Variants in DOCK3 observed in about 807,000 individuals in gnomAD.
The protein encoded by DOCK3 is dedicator of cytokinesis protein 3.
A neutral mutation model predicts 265.6 loss-of-function variants in DOCK3; 60 were observed. The ratio of observed to expected loss-of-function variants is 0.23; its 90% confidence interval spans 0.18 to 0.28. The LOEUF is 0.28. Ranked by LOEUF, DOCK3 falls within the 10% of genes least tolerant of loss-of-function variation. The pLI, the probability that DOCK3 is intolerant of heterozygous loss-of-function variation, is 1.00. For synonymous variants in DOCK3, 881 were observed against 938.0 expected (o/e 0.94, Z 1.11); for missense variants, 1,981 against 2,594.3 (o/e 0.76, Z 5.14).
At chr3:51,327,748 C>T (rs1421814201) in intron 32 of DOCK3, among the ~76,000 whole-genome samples, 7 of 146,954 alleles carry the variant, frequency 4.8e-5, no homozygotes, top group Admixed American at 3.5e-4. Context: ...GGCACAATCT[C>T]GGCTCACTGC....
intron 27 of DOCK3, among the ~76,000 whole-genome samples, chr3:51,282,928 A>G (rs889136517): frequency 2.6e-5 from 4 of 152,198 alleles, no homozygotes; most frequent in African/African-American, 7.2e-5. Flanking sequence ...TATAAACACA[A>G]AAATCTCCAG....
rs1037803924 is a variant in DOCK3, at chr3:50,901,020, C to T, written c.218+10939C>T. 9 of 364,850 alleles carry T rather than the reference C, an allele frequency of 2.5e-5. No individual in the cohort carries two copies. In the East Asian group the frequency reaches 5.5e-4, roughly 22 times the overall value. The allele number at this position is 364,850 out of a possible 1,614,324, so 22.6% of individuals were successfully genotyped here. On this transcript the variant is annotated intron_variant, in intron 4 of 52. Coordinates refer to ENST00000266037, the MANE Select transcript of DOCK3 (RefSeq NM_004947.5). ...TGAGCAATGTGCTGGGAGATTCGCT[C>T]CTCTCTTCAGAACAGACAGGCTGGA... is the stretch of plus-strand genomic sequence containing the variant.
intron 38 of DOCK3, among the ~76,000 whole-genome samples, chr3:51,343,159 T>C (rs984400867): frequency 6.6e-6 from 1 of 152,064 alleles, no homozygotes; most frequent in African/African-American, 2.4e-5. Flanking sequence ...CAGGGATGTT[T>C]AGCACCAAGA....
chr3:51,066,971 A>C (rs1170788351), intron 6 of DOCK3, among the ~76,000 whole-genome samples: 1 of 152,200 alleles, frequency 6.6e-6, no homozygotes, highest in Admixed American at 6.5e-5. Context: ...GGGGAATAAC[A>C]ATTTAGTAAA....
chr3:51,227,904 G>A, intron 16 of DOCK3, 78 bp from the exon 17 acceptor site: 1 of 1,374,022 alleles, frequency 7.3e-7, no homozygotes, highest in East Asian at 2.3e-5. Flanking sequence ...AAGAGCATAG[G>A]TGATAAGCAC....
chr3:51,102,200 A>G (rs1191669232), intron 9 of DOCK3, among the ~76,000 whole-genome samples: 1 of 152,238 alleles, frequency 6.6e-6, no homozygotes, highest in Non-Finnish European at 1.5e-5. Context: ...TGTCAGAGCC[A>G]GAGCATTTAT....
intron 5 of DOCK3, among the ~76,000 whole-genome samples, chr3:50,945,317 A>G (rs544892087): frequency 6.6e-6 from 1 of 152,258 alleles, no homozygotes; most frequent in African/African-American, 2.4e-5. Flanking sequence ...GAAGTTTACC[A>G]TATAGTTTGT....
intron 1 of DOCK3, among the ~76,000 whole-genome samples, chr3:50,760,257 G>A (rs1321232969): frequency 6.6e-6 from 1 of 152,120 alleles, no homozygotes; most frequent in Non-Finnish European, 1.5e-5. Context: ...TGAAAAGACA[G>A]TCAGTTCTTT....
intron 1 of DOCK3, among the ~76,000 whole-genome samples, chr3:50,769,900 A>G (rs765693564): frequency 3.3e-5 from 5 of 152,106 alleles, no homozygotes; most frequent in African/African-American, 7.2e-5. Context: ...GAGAAAGTCA[A>G]ATTGTCCCTC....
chr3:50,946,451 AG>A (rs1242065520), intron 5 of DOCK3, among the ~76,000 whole-genome samples: 1 of 152,232 alleles, frequency 6.6e-6, no homozygotes, highest in Non-Finnish European at 1.5e-5. Context: ...TGTTTTTTGA[AG>A]ATAACTTTTA....
chr3:50,694,647 A>G (rs2035488092), intron 1 of DOCK3, among the ~76,000 whole-genome samples: 2 of 151,832 alleles, frequency 1.3e-5, no homozygotes, highest in Non-Finnish European at 2.9e-5. Flanking sequence ...TGTCTCTACT[A>G]AAAAAATACA....
chr3:50,828,341 A>T (rs752075797), intron 2 of DOCK3, among the ~76,000 whole-genome samples: 1 of 152,154 alleles, frequency 6.6e-6, no homozygotes, highest in Admixed American at 6.5e-5. Flanking sequence ...CTTTTATGCA[A>T]CTATGGTCTA....
At chr3:50,780,146 G>A (rs1160730414) in intron 2 of DOCK3, among the ~76,000 whole-genome samples, 2 of 152,168 alleles carry the variant, frequency 1.3e-5, no homozygotes, top group Non-Finnish European at 1.5e-5. Context: ...GTATAAATTA[G>A]CACCCTTTTG....
At chr3:50,729,511 G>GTC (rs2038059005) in intron 1 of DOCK3, among the ~76,000 whole-genome samples, 1 of 151,856 alleles carries the variant, frequency 6.6e-6, no homozygotes, top group South Asian at 2.1e-4. Flanking sequence ...CTAGCATTAG[G>GTC]TATATCTCCC....
chr3:50,700,334 G>T (rs1191013218), intron 1 of DOCK3, among the ~76,000 whole-genome samples: 1 of 152,176 alleles, frequency 6.6e-6, no homozygotes, highest in Non-Finnish European at 1.5e-5. Flanking sequence ...ACAATAAGTT[G>T]TATATTACTA....
At chr3:50,933,907 G>T (rs1436154711) in intron 4 of DOCK3, 74 bp from the exon 5 acceptor site, 23 of 978,522 alleles carry the variant, frequency 2.4e-5, no homozygotes, top group Non-Finnish European at 3.2e-5. Context: ...TAAACAAGTA[G>T]AAAAAGACAG....
chr3:50,933,224 T>A lies in DOCK3; in HGVS notation c.219-757T>A, dbSNP rs9831449. ...TGAGTGGGGACACAGCCAAACCATA[T>A]CAGTACCTTTTCATTTTCATTTTAG... is the stretch of plus-strand genomic sequence containing the variant. On this transcript the variant is annotated intron_variant, in intron 4 of 52. Coordinates refer to ENST00000266037, the MANE Select transcript of DOCK3 (RefSeq NM_004947.5). 2.8e-3 allele frequency among the ~76,000 whole-genome samples: 422 copies of A among 152,288 alleles called. 3 individuals carry two copies. The highest frequency in any genetic ancestry group is 9.7e-3 in the African/African-American group (405 of 41,574).
intron 10 of DOCK3, among the ~76,000 whole-genome samples, chr3:51,153,490 G>T (rs188502542): frequency 6.6e-6 from 1 of 152,130 alleles, no homozygotes. Context: ...ACACTGCTTC[G>T]GCTTGCCCTC....
chr3:50,695,922 G>A (rs1489997178), intron 1 of DOCK3, among the ~76,000 whole-genome samples: 6 of 152,204 alleles, frequency 3.9e-5, no homozygotes, highest in Non-Finnish European at 8.8e-5. Context: ...ATGTGGTAGA[G>A]GAGGATTTAT....
Sources: allele counts gnomAD v4.1 joint callset (sites outside exome capture counted in the v4.1 genomes callset), GRCh38; gene constraint gnomAD v4.1.1; transcripts MANE v1.5; gene names NCBI Gene and HGNC (gene_info 2026-07-23, HGNC 2026-07-21).